Variants in ITGB6 observed in about 807,000 individuals in gnomAD.
The protein encoded by ITGB6 is integrin beta-6.
Under a neutral mutation model 84.5 loss-of-function variants are expected in ITGB6, and 80 were observed. That is an observed-to-expected ratio of 0.95 (90% CI 0.79 to 1.14). ITGB6 has a LOEUF of 1.14. ITGB6 is among the 50% of genes most tolerant of loss of function. The probability of loss-of-function intolerance (pLI) is 0.00; values close to 1 mark genes in which losing one functional copy is unlikely to be tolerated. For missense variants in ITGB6, 1,006 were observed against 968.0 expected (o/e 1.04, Z -0.52); for synonymous variants, 383 against 354.9 (o/e 1.08, Z -0.89).
intron 12 of ITGB6, among the ~76,000 whole-genome samples, chr2:160,123,055 A>T (rs1051609024): frequency 3.9e-5 from 6 of 152,224 alleles, no homozygotes; most frequent in African/African-American, 1.4e-4. Context: ...GTCAGTCATC[A>T]TCTTTGTTTT....
chr2:160,178,023 C>A (rs543877315), intron 4 of ITGB6, among the ~76,000 whole-genome samples: 1 of 152,072 alleles, frequency 6.6e-6, no homozygotes, highest in African/African-American at 2.4e-5. Context: ...TACAGGCTCA[C>A]GCCACCATGC....
chr2:160,152,652 C>T (rs1684472860), intron 7 of ITGB6, among the ~76,000 whole-genome samples: 1 of 152,162 alleles, frequency 6.6e-6, no homozygotes, highest in Admixed American at 6.5e-5. Context: ...AAGAGGAAGT[C>T]AAATTTTCCC....
chr2:160,195,833 A>G (rs1276499310), intron 3 of ITGB6, among the ~76,000 whole-genome samples: 1 of 152,238 alleles, frequency 6.6e-6, no homozygotes, highest in African/African-American at 2.4e-5. Flanking sequence ...AGGATATTTT[A>G]TCTCTCCTTG....
chr2:160,112,163 T>G lies in ITGB6; in HGVS notation c.2018A>C (p.Gln673Pro). The G allele has an allele frequency of 6.2e-7, 1 of 1,612,700 alleles. No homozygotes were observed. The highest frequency in any genetic ancestry group is 8.5e-7 in the Non-Finnish European group (1 of 1,178,854). Residue 673 changes from glutamine to proline, a missense_variant, in exon 13 of 15, where the codon CAA (glutamine) becomes CCA (proline). Gln to Pro is a moderately conservative substitution (Grantham distance 76). Transcript: ENST00000283249. ...SKDGSVSCSL[Q>P]GENECLITFL... is the part of the protein sequence containing the mutation. ...TGTAATAAGACATTCATTTTCTCCT[T>G]GCAGAGAGCAGGAAACAGAACCATC...
chr2:160,180,499 G>A (rs928595218), intron 4 of ITGB6, among the ~76,000 whole-genome samples: 14 of 152,296 alleles, frequency 9.2e-5, no homozygotes, highest in African/African-American at 3.1e-4. Flanking sequence ...GTGTGGGTTT[G>A]TTATATAGGT....
intron 10 of ITGB6, among the ~76,000 whole-genome samples, chr2:160,128,480 G>C (rs1245711741): frequency 6.6e-6 from 1 of 152,152 alleles, no homozygotes; most frequent in Non-Finnish European, 1.5e-5. Flanking sequence ...TGAAAGTTTT[G>C]TCTAGACATT....
chr2:160,129,533 T>G (rs1455715335), intron 10 of ITGB6, among the ~76,000 whole-genome samples: 2 of 151,986 alleles, frequency 1.3e-5, no homozygotes, highest in Non-Finnish European at 2.9e-5. Context: ...ACTATACAAG[T>G]GTTAGTTACT....
chr2:160,167,682 G>T (rs866160614), intron 7 of ITGB6, among the ~76,000 whole-genome samples: 1 of 152,262 alleles, frequency 6.6e-6, no homozygotes, highest in Middle Eastern at 3.4e-3. Context: ...AATCCGACAG[G>T]CTCTGTTTTG....
intron 12 of ITGB6, among the ~76,000 whole-genome samples, chr2:160,112,980 T>A (rs1682595623): frequency 6.6e-6 from 1 of 152,220 alleles, no homozygotes; most frequent in Non-Finnish European, 1.5e-5. Flanking sequence ...ATGCCAAAAT[T>A]ATGTGGCATT....
Position 160,137,837 on chromosome 2 carries a change from C to T in ITGB6, c.1257G>A (p.Val419=), listed in dbSNP as rs1156821. The part of the protein sequence containing the change: ...MKVGDTASFS[V]TVNIPHCERR... The stretch of plus-strand genomic sequence containing the variant: ...TCTCGCAGTGTGGGATATTCACAGT[C>T]ACGCTGAAGGAAGCCTGGAAAAGAA... The change falls in exon 10 of 15, where the codon GTG becomes GTA. Residue 419 remains valine (V), a synonymous_variant. Coordinates refer to ENST00000283249, the MANE Select transcript of ITGB6 (RefSeq NM_000888.5). 20,557 of 1,613,644 alleles carry T rather than the reference C, an allele frequency of 0.013. 1,868 individuals are homozygous for T. The East Asian group carries it at 0.25, about 19-fold the overall frequency.
At chr2:160,154,847 G>A (rs1684562334) in intron 7 of ITGB6, among the ~76,000 whole-genome samples, 1 of 152,198 alleles carries the variant, frequency 6.6e-6, no homozygotes, top group South Asian at 2.1e-4. Flanking sequence ...GCTACATATG[G>A]CAGTTGGTAT....
chr2:160,187,811 TTC>T (rs936291345), intron 4 of ITGB6, among the ~76,000 whole-genome samples: 3 of 152,176 alleles, frequency 2.0e-5, no homozygotes, highest in African/African-American at 7.2e-5. Flanking sequence ...TTTAAAATGT[TTC>T]TGTTTTACTT....
At chr2:160,120,249 A>G (rs1425162513) in intron 12 of ITGB6, among the ~76,000 whole-genome samples, 3 of 151,214 alleles carry the variant, frequency 2.0e-5, no homozygotes, top group Non-Finnish European at 2.9e-5. Flanking sequence ...TTACAATAGC[A>G]AAGACTTGGA....
intron 12 of ITGB6, among the ~76,000 whole-genome samples, chr2:160,119,363 A>T (rs964758293): frequency 1.6e-4 from 25 of 152,274 alleles, no homozygotes; most frequent in African/African-American, 5.5e-4. Context: ...ATAATGCCGC[A>T]TATCTACAAC....
chr2:160,137,753 A>G lies in ITGB6; in HGVS notation c.1341T>C (p.Leu447=). Residue 447 remains leucine, a synonymous_variant, in exon 10 of 15, where the codon CTT becomes CTC. Transcript: ENST00000283249. ...PVGLGDALEL[L]VSPECNCDCQ... ...AGTCGCAGTTGCATTCTGGGCTGAC[A>G]AGTAATTCCAGGGCATCCCCCAGCC... The G allele has an allele frequency of 6.2e-7, 1 of 1,614,196 alleles. No individual in the cohort carries two copies. Among genetic ancestry groups the G allele is most frequent in the Non-Finnish European group, 8.5e-7 (1 of 1,180,024 alleles).
At position 160,137,794 on chromosome 2, in the gene ITGB6, T is replaced by G. The variant is rs745790038; in HGVS notation, c.1300A>C (p.Ile434Leu). 4 of 1,614,150 alleles carry G rather than the reference T, an allele frequency of 2.5e-6. No individual in the cohort carries two copies. The highest frequency in any genetic ancestry group is 3.4e-6 in the Non-Finnish European group (4 of 1,179,998). The change falls in exon 10 of 15, where the codon ATC (isoleucine) becomes CTC (leucine). Residue 434 changes from isoleucine to leucine, a missense_variant. Coordinates refer to ENST00000283249, the MANE Select transcript of ITGB6 (RefSeq NM_000888.5). ...TCCCCCAGCCCCACAGGCTTTATGA[T>G]AATGTGCCTGCTTCTTCTCTCGCAG... Reference protein sequence around the residue: ...PHCERRSRHIIIKPVGLGDAL... With the variant: ...PHCERRSRHILIKPVGLGDAL...
chr2:160,120,978 T>C (rs1234204285), intron 12 of ITGB6, among the ~76,000 whole-genome samples: 1 of 148,974 alleles, frequency 6.7e-6, no homozygotes, highest in African/African-American at 2.5e-5. Flanking sequence ...AGTTAATGGG[T>C]GCAGCACACC....
chr2:160,143,116 C>T lies in ITGB6; in HGVS notation c.1018-1045G>A, dbSNP rs180884896. Among the ~76,000 whole-genome samples the T allele has an allele frequency of 1.4e-3, 208 of 152,116 alleles. 2 individuals are homozygous for T. Among genetic ancestry groups the T allele is most frequent in the Middle Eastern group, 6.8e-3 (2 of 292 alleles). On this transcript the variant is annotated intron_variant, in intron 7 of 14. Transcript: ENST00000283249. The stretch of plus-strand genomic sequence containing the variant: ...CAGCCTGGCCAACATGGTGAAACCC[C>T]GTCTCTACTAAAAATACAAAAAGTA...
chr2:160,120,159 A>G (rs1334811848), intron 12 of ITGB6, among the ~76,000 whole-genome samples: 6 of 152,098 alleles, frequency 3.9e-5, no homozygotes, highest in Admixed American at 3.3e-4. Context: ...CAGCCATCCC[A>G]TTACTGGATA....
Sources: allele counts gnomAD v4.1 joint callset (sites outside exome capture counted in the v4.1 genomes callset), GRCh38; gene constraint gnomAD v4.1.1; transcripts MANE v1.5; gene names NCBI Gene and HGNC (gene_info 2026-07-23, HGNC 2026-07-21).